PPP2R2C: variants seen among roughly 807,000 people sequenced by gnomAD.
The protein encoded by PPP2R2C is protein phosphatase 2, regulatory subunit B, gamma.
A neutral mutation model predicts 45.3 loss-of-function variants in PPP2R2C; 10 were observed. The observed-to-expected ratio is 0.22, with a 90% CI of 0.14 to 0.37. The LOEUF is 0.37. PPP2R2C is among the 10% of genes least tolerant of loss of function. The pLI is 1.00. For missense variants in PPP2R2C, 308 were observed against 619.7 expected, an observed-to-expected ratio of 0.50 and a Z score of 5.34; for synonymous variants, 257 against 245.4, an observed-to-expected ratio of 1.05 and a Z score of -0.44.
At chr4:6,491,375 G>A (rs915927654) in intron 2 of PPP2R2C, among the ~76,000 whole-genome samples, 1 of 152,174 alleles carries the variant, frequency 6.6e-6, no homozygotes, top group Admixed American at 6.5e-5. Flanking sequence ...TGTCATGGTG[G>A]GCCAAGCCAG....
chr4:6,547,184 A>ATT (rs2108836717), intron 1 of PPP2R2C, among the ~76,000 whole-genome samples: 1 of 151,960 alleles, frequency 6.6e-6, no homozygotes, highest in Admixed American at 6.5e-5. Context: ...TCTCTTGCCT[A>ATT]TTTTTTCTTC....
chr4:6,383,571 A>G (rs538460326), intron 1 of PPP2R2C: 14 of 629,622 alleles, frequency 2.2e-5, no homozygotes, highest in East Asian at 2.1e-4. Context: ...TATTCTTCCA[A>G]TTCTGCCCCA....
At chr4:6,456,238 G>A (rs917181611) in intron 1 of PPP2R2C, among the ~76,000 whole-genome samples, 4 of 152,166 alleles carry the variant, frequency 2.6e-5, no homozygotes, top group Admixed American at 1.3e-4. Context: ...AATCTGCAGG[G>A]GGTAGTTAGA....
intron 1 of PPP2R2C, among the ~76,000 whole-genome samples, chr4:6,458,651 G>A (rs1462182868): frequency 1.3e-5 from 2 of 152,206 alleles, no homozygotes; most frequent in East Asian, 1.9e-4. Context: ...TGCTGTCTGT[G>A]CATGAACTAA....
At chr4:6,355,714 G>A (rs1418014848) in intron 5 of PPP2R2C, among the ~76,000 whole-genome samples, 3 of 152,068 alleles carry the variant, frequency 2.0e-5, no homozygotes, top group Non-Finnish European at 2.9e-5. Flanking sequence ...GTGCTGGCCG[G>A]GCATGGTGGT....
intron 1 of PPP2R2C, among the ~76,000 whole-genome samples, chr4:6,454,683 C>T (rs997430654): frequency 1.3e-5 from 2 of 152,234 alleles, no homozygotes; most frequent in African/African-American, 4.8e-5. Context: ...TGGTTCTCAT[C>T]ACATCACTGA....
chr4:6,442,585 T>C (rs1432288449), intron 1 of PPP2R2C, among the ~76,000 whole-genome samples: 1 of 152,282 alleles, frequency 6.6e-6, no homozygotes, highest in South Asian at 2.1e-4. Context: ...GTGATGATTA[T>C]GGGAATAATC....
At chr4:6,343,750 T>C (rs886199859) in intron 6 of PPP2R2C, among the ~76,000 whole-genome samples, 1 of 151,962 alleles carries the variant, frequency 6.6e-6, no homozygotes, top group African/African-American at 2.4e-5. Flanking sequence ...GGACACCAAA[T>C]AGATTTGCAC....
At chr4:6,390,083 G>T (rs920354134) in intron 1 of PPP2R2C, among the ~76,000 whole-genome samples, 2 of 152,184 alleles carry the variant, frequency 1.3e-5, no homozygotes, top group African/African-American at 2.4e-5. Context: ...CAGCAAAAGG[G>T]TCTGGAGTTT....
At chr4:6,533,976 T>C (rs62286148) in intron 2 of PPP2R2C, among the ~76,000 whole-genome samples, 51,617 of 148,818 alleles carry the variant, frequency 0.35, 9,024 homozygotes, top group East Asian at 0.52. Context: ...CACACCCCAA[T>C]ACACATACCC....
intron 2 of PPP2R2C, among the ~76,000 whole-genome samples, chr4:6,498,401 C>T (rs138114671): frequency 2.4e-3 from 358 of 152,296 alleles, no homozygotes; most frequent in Non-Finnish European, 3.5e-3. Flanking sequence ...ATGCTAAGCA[C>T]GGATCCACAG....
At chr4:6,457,269 T>A (rs2108753479) in intron 1 of PPP2R2C, among the ~76,000 whole-genome samples, 1 of 150,106 alleles carries the variant, frequency 6.7e-6, no homozygotes, top group East Asian at 2.0e-4. Flanking sequence ...ATCCTAATAA[T>A]CAATGAGGAA....
intron 1 of PPP2R2C, among the ~76,000 whole-genome samples, chr4:6,400,678 T>A (rs945363290): frequency 6.6e-6 from 1 of 152,216 alleles, no homozygotes; most frequent in Non-Finnish European, 1.5e-5. Context: ...GTAAGCAACA[T>A]TCCTTAGTGT....
At chr4:6,399,437 A>G (rs979611166) in intron 1 of PPP2R2C, among the ~76,000 whole-genome samples, 1 of 152,240 alleles carries the variant, frequency 6.6e-6, no homozygotes, top group African/African-American at 2.4e-5. Flanking sequence ...TGCATTTTTC[A>G]TCAACTAAGA....
chr4:6,395,377 G>A (rs572063278), intron 1 of PPP2R2C, among the ~76,000 whole-genome samples: 68 of 152,304 alleles, frequency 4.5e-4, no homozygotes, highest in Middle Eastern at 3.4e-3. Flanking sequence ...CGGACCCCGC[G>A]GGCATGTCCA....
intron 6 of PPP2R2C, among the ~76,000 whole-genome samples, chr4:6,346,631 T>C (rs1711971479): frequency 6.6e-6 from 1 of 152,114 alleles, no homozygotes; most frequent in African/African-American, 2.4e-5. Flanking sequence ...ACACGGAGCG[T>C]GGACAAACCC....
rs1389589810 is a variant in PPP2R2C at position 6,510,990 on chromosome 4, C to CAAAAAAAAA, written c.49+24280_49+24281insTTTTTTTTT. Among the ~76,000 whole-genome samples the CAAAAAAAAA allele has an allele frequency of 6.1e-5, 8 of 130,904 alleles. No individual in the cohort carries two copies. The East Asian group carries it at 9.0e-4, about 15-fold the overall frequency. The allele number at this position is 130,904 out of a possible 152,430, so 85.9% of individuals were successfully genotyped here. A position where few individuals can be genotyped will look rare whatever the true frequency, so the allele number is the denominator to read the frequency against. ...AGACTCCGTCTCAAACAAAAAAAAA[C>CAAAAAAAAA]AAACAAACAAAAAAAAAAACAGAAA... On this transcript the variant is annotated intron_variant, in intron 2 of 9. Transcript: ENST00000506140.
At position 6,378,853 on chromosome 4, in the gene PPP2R2C, C is replaced by T. The variant is rs1168190604; in HGVS notation, c.169-281G>A. 6.6e-6 allele frequency among the ~76,000 whole-genome samples: 1 copy of T among 151,908 alleles called. No homozygotes were observed. The highest frequency in any genetic ancestry group is 2.4e-5 in the African/African-American group (1 of 41,330). ...CAGCGCCTGCTACAAGCTGGACACCCCACTAAGTCCTCCCCGCACCATCGC... is the reference window on the plus strand; with the variant it reads ...CAGCGCCTGCTACAAGCTGGACACCTCACTAAGTCCTCCCCGCACCATCGC... On this transcript the variant is annotated intron_variant, in intron 2 of 8. Transcript: ENST00000382599. This position sits in a 1 kb window ranked among gnomAD's most constrained non-coding sequence, Gnocchi z 5.2.
Position 6,348,020 on chromosome 4 carries a change from G to T in PPP2R2C, c.626-10C>A. 6.2e-7 allele frequency: 1 copy of T among 1,612,958 alleles called. No individual in the cohort carries two copies. The highest frequency in any genetic ancestry group is 2.2e-5 in the East Asian group (1 of 44,822). On this transcript the variant is annotated splice_polypyrimidine_tract_variant and intron_variant, in intron 5 of 8. Transcript: ENST00000382599. ...TTGATGTCCACGATGTCTGGGGGCAGTGCGGTCAAGGAAGGGGCAGTGAAG... is the reference window on the plus strand; with the variant it reads ...TTGATGTCCACGATGTCTGGGGGCATTGCGGTCAAGGAAGGGGCAGTGAAG...
Sources: allele counts gnomAD v4.1 joint callset (sites outside exome capture counted in the v4.1 genomes callset), GRCh38; gene constraint gnomAD v4.1.1; non-coding constraint Gnocchi (gnomAD v3.1); transcripts MANE v1.5; gene names NCBI Gene and HGNC (gene_info 2026-07-23, HGNC 2026-07-21).